NIPAL2: variants seen among roughly 807,000 people sequenced by gnomAD.
NIPAL2 encodes NIPA like domain containing 2.
Under a neutral mutation model 48.9 loss-of-function variants are expected in NIPAL2, and 43 were observed. The observed-to-expected ratio is 0.88, with a 90% CI of 0.69 to 1.13. The LOEUF (loss-of-function observed/expected upper bound fraction) is 1.13. NIPAL2 is among the 50% of genes most tolerant of loss of function. The pLI, the probability that NIPAL2 is intolerant of heterozygous loss-of-function variation, is 0.00. For synonymous variants in NIPAL2, 167 were observed against 174.6 expected (o/e 0.96, Z 0.34); for missense variants, 446 against 461.4 (o/e 0.97, Z 0.31).
chr8:98,226,245 C>A (rs1300277114), intron 4 of NIPAL2, among the ~76,000 whole-genome samples: 1 of 152,052 alleles, frequency 6.6e-6, no homozygotes, highest in Admixed American at 6.6e-5. Context: ...TTGGTGAGGT[C>A]ATGTTTTCCT....
intron 3 of NIPAL2, among the ~76,000 whole-genome samples, chr8:98,238,924 G>A (rs929741642): frequency 6.6e-6 from 1 of 152,154 alleles, no homozygotes; most frequent in Non-Finnish European, 1.5e-5. Flanking sequence ...TCCCATGGTA[G>A]AGCATGAGAA....
At chr8:98,199,576 A>T (rs1020713680) in intron 8 of NIPAL2, among the ~76,000 whole-genome samples, 1 of 152,190 alleles carries the variant, frequency 6.6e-6, no homozygotes, top group Non-Finnish European at 1.5e-5. Flanking sequence ...ATAAGTTGGC[A>T]GTCTTACACA....
Position 98,192,919 on chromosome 8 carries a change from G to A in NIPAL2, c.*59C>T. ...AGAGCTGCTGACACAAATTGAACAT[G>A]TGCAATTTTTTAAAAAGGTGGTATC... On this transcript the variant is annotated 3_prime_UTR_variant, in exon 11 of 11. Transcript: ENST00000430223. 2 of 1,027,664 alleles carry A rather than the reference G, an allele frequency of 1.9e-6. No homozygotes were observed. The highest frequency in any genetic ancestry group is 3.1e-6 in the Non-Finnish European group (2 of 651,834). The allele number at this position is 1,027,664 out of a possible 1,614,324, so 63.7% of individuals were successfully genotyped here. A position where few individuals can be genotyped will look rare whatever the true frequency, so the allele number is the denominator to read the frequency against.
At chr8:98,278,557 C>T (rs1374078682) in intron 1 of NIPAL2, among the ~76,000 whole-genome samples, 1 of 152,154 alleles carries the variant, frequency 6.6e-6, no homozygotes, top group Admixed American at 6.6e-5. Flanking sequence ...CCTGACTTCC[C>T]TCTTCTGAAT....
intron 1 of NIPAL2, among the ~76,000 whole-genome samples, chr8:98,284,488 T>A (rs1816044584): frequency 6.6e-6 from 1 of 151,798 alleles, no homozygotes; most frequent in Non-Finnish European, 1.5e-5. Context: ...CTTTTTGAGG[T>A]CATAGTCCAT....
At chr8:98,237,093 C>T (rs28420898) in intron 3 of NIPAL2, among the ~76,000 whole-genome samples, 57,185 of 151,628 alleles carry the variant, frequency 0.38, 12,533 homozygotes, top group South Asian at 0.53. Flanking sequence ...CAGGGTTTTG[C>T]GCTGTTGCCC....
intron 1 of NIPAL2, 110 bp downstream of exon 1, chr8:98,293,893 G>T: frequency 2.9e-6 from 3 of 1,028,604 alleles, no homozygotes; most frequent in Non-Finnish European, 3.9e-6. Context: ...GGAGAGGCCG[G>T]GTGTCTTCCT....
chr8:98,248,252 A>G (rs935259836), intron 3 of NIPAL2, among the ~76,000 whole-genome samples: 16 of 152,232 alleles, frequency 1.1e-4, no homozygotes, highest in African/African-American at 3.9e-4. Flanking sequence ...GATGAGAACA[A>G]TAAAAAGCCT....
At chr8:98,277,623 C>T (rs574681867) in intron 1 of NIPAL2, among the ~76,000 whole-genome samples, 1 of 152,286 alleles carries the variant, frequency 6.6e-6, no homozygotes, top group East Asian at 1.9e-4. Flanking sequence ...CTCCTCCCCA[C>T]AGTCCATGGC....
intron 3 of NIPAL2, among the ~76,000 whole-genome samples, chr8:98,247,512 G>C (rs1813370915): frequency 6.6e-6 from 1 of 152,200 alleles, no homozygotes; most frequent in African/African-American, 2.4e-5. Context: ...CTCCACATCT[G>C]AGGTGGCACC....
intron 1 of NIPAL2, among the ~76,000 whole-genome samples, chr8:98,291,206 C>T (rs1563564101): frequency 6.6e-6 from 1 of 152,140 alleles, no homozygotes; most frequent in Non-Finnish European, 1.5e-5. Context: ...GACCCCAAAC[C>T]ATATTTCTAC....
chr8:98,259,069 C>CTTTTTTTTTTTTTTTTTTTTTTTTT (rs1563531576), intron 1 of NIPAL2, among the ~76,000 whole-genome samples: 3 of 89,394 alleles, frequency 3.4e-5, no homozygotes, highest in African/African-American at 1.4e-4. Context: ...TTTAAATATT[C>CTTTTTTTTTTTTTTTTTTTTTTTTT]CTTTTTTTTT....
chr8:98,195,870 C>T (rs529588621), intron 9 of NIPAL2, 72 bp downstream of exon 9: 70 of 1,062,780 alleles, frequency 6.6e-5, no homozygotes, highest in South Asian at 5.6e-4. Flanking sequence ...TCTATACCTC[C>T]GGTACAATGC....
At chr8:98,238,386 C>T (rs1812823441) in intron 3 of NIPAL2, among the ~76,000 whole-genome samples, 1 of 152,134 alleles carries the variant, frequency 6.6e-6, no homozygotes, top group South Asian at 2.1e-4. Flanking sequence ...ACTTTAATAT[C>T]AAATTTCCTT....
At chr8:98,266,397 T>A (rs1814742719) in intron 1 of NIPAL2, among the ~76,000 whole-genome samples, 1 of 150,616 alleles carries the variant, frequency 6.6e-6, no homozygotes. Flanking sequence ...AGCTCAGGAG[T>A]TTGAGGCTAG....
At chr8:98,279,528 G>A (rs1477901410) in intron 1 of NIPAL2, among the ~76,000 whole-genome samples, 1 of 151,986 alleles carries the variant, frequency 6.6e-6, no homozygotes, top group Admixed American at 6.6e-5. Flanking sequence ...CCACTTCCCT[G>A]TCCTTTCACT....
At chr8:98,244,570 TG>T (rs1389185414) in intron 3 of NIPAL2, among the ~76,000 whole-genome samples, 1 of 17,440 alleles carries the variant, frequency 5.7e-5, no homozygotes, top group Non-Finnish European at 1.2e-4. Context: ...ATAAGGGGGG[TG>T]CGCTGTGGTG....
At chr8:98,280,215 C>G (rs1402441400) in intron 1 of NIPAL2, among the ~76,000 whole-genome samples, 1 of 152,208 alleles carries the variant, frequency 6.6e-6, no homozygotes, top group Admixed American at 6.5e-5. Flanking sequence ...ATTCCTGGCT[C>G]TGTCTTCAAA....
chr8:98,240,424 T>C (rs923675900), intron 3 of NIPAL2, among the ~76,000 whole-genome samples: 1 of 152,172 alleles, frequency 6.6e-6, no homozygotes, highest in Non-Finnish European at 1.5e-5. Flanking sequence ...AGACAGGCTA[T>C]TTTCCCAGCC....
Sources: allele counts gnomAD v4.1 joint callset (sites outside exome capture counted in the v4.1 genomes callset), GRCh38; gene constraint gnomAD v4.1.1; transcripts MANE v1.5; gene names NCBI Gene and HGNC (gene_info 2026-07-23, HGNC 2026-07-21).